The following TAFA5 variants were observed in gnomAD, a reference collection of about 807,000 sequenced individuals.
TAFA5 encodes TAFA chemokine like family member 5.
In TAFA5, 6 loss-of-function variants were observed where a neutral mutation model predicts 15.3. The observed-to-expected ratio is 0.39, with a 90% CI of 0.21 to 0.77. TAFA5 has a LOEUF of 0.77. TAFA5 is among the 30% of genes least tolerant of loss of function. TAFA5 has a pLI of 0.41. For missense variants in TAFA5, 161 were observed against 193.1 expected (o/e 0.83, Z 0.98); for synonymous variants, 103 against 80.7 (o/e 1.28, Z -1.48).
At chr22:48,694,541 G>A (rs1339996154) in intron 2 of TAFA5, among the ~76,000 whole-genome samples, 2 of 152,010 alleles carry the variant, frequency 1.3e-5, no homozygotes, top group Non-Finnish European at 2.9e-5. Context: ...CTTTTCCTGA[G>A]CCCTGAGCCC....
chr22:48,653,086 G>A (rs761791), intron 2 of TAFA5, among the ~76,000 whole-genome samples: 113,199 of 152,186 alleles, frequency 0.74, 42,457 homozygotes, highest in South Asian at 0.9. Context: ...ATACATCTCC[G>A]CGCAGACTGC....
At chr22:48,656,767 T>A (rs1447654101) in intron 2 of TAFA5, among the ~76,000 whole-genome samples, 668 of 23,362 alleles carry the variant, frequency 0.029, 14 homozygotes, top group South Asian at 0.095. Flanking sequence ...TTTTTTTTTT[T>A]TTTTTTTTTT....
At chr22:48,559,174 G>C (rs570472040) in intron 1 of TAFA5, among the ~76,000 whole-genome samples, 1 of 152,324 alleles carries the variant, frequency 6.6e-6, no homozygotes, top group Admixed American at 6.5e-5. Flanking sequence ...GGCCGCCCGG[G>C]GCCATGGTGT....
intron 2 of TAFA5, among the ~76,000 whole-genome samples, chr22:48,683,372 C>T (rs1054620259): frequency 1.3e-5 from 2 of 152,376 alleles, no homozygotes; most frequent in Middle Eastern, 3.4e-3. Flanking sequence ...ACGGCACTTG[C>T]TGGGCACTGT....
Position 48,560,153 on chromosome 22 carries a change from G to A in TAFA5, c.112+70449G>A, listed in dbSNP as rs1043905580. On this transcript the variant is annotated intron_variant, in intron 1 of 3. Transcript: ENST00000402357. The surrounding 1 kb of genome is among the most constrained non-coding windows in gnomAD (Gnocchi z 4.2). ...GGAAAGCCGAGTCCTTGTAGGGGAG[G>A]AGCGTCACTGCTCTCAGCAGGGGAC... is the stretch of plus-strand genomic sequence containing the variant. Among the ~76,000 whole-genome samples, 8 of 152,236 alleles carry A rather than the reference G, an allele frequency of 5.3e-5. No individual in the cohort carries two copies. The highest frequency in any genetic ancestry group is 1.0e-4 in the Non-Finnish European group (7 of 68,042).
intron 2 of TAFA5, among the ~76,000 whole-genome samples, chr22:48,681,662 AAAAAG>A (rs1482750419): frequency 6.6e-6 from 1 of 151,252 alleles, no homozygotes; most frequent in Non-Finnish European, 1.5e-5. Flanking sequence ...AAAAAAAAAA[AAAAAG>A]AAAAGAAAAA....
At chr22:48,656,498 C>A (rs1163319145) in intron 2 of TAFA5, among the ~76,000 whole-genome samples, 1 of 150,658 alleles carries the variant, frequency 6.6e-6, no homozygotes. Flanking sequence ...GAGCGAGACT[C>A]CATCTCAAAA....
chr22:48,729,145 C>T (rs922017400), intron 3 of TAFA5, among the ~76,000 whole-genome samples: 16 of 151,226 alleles, frequency 1.1e-4, no homozygotes, highest in Middle Eastern at 7.1e-3. Context: ...TTAATAGGCA[C>T]GCTGCTTAAA....
chr22:48,515,335 C>G (rs938948874), intron 1 of TAFA5, among the ~76,000 whole-genome samples: 9 of 152,258 alleles, frequency 5.9e-5, no homozygotes, highest in Non-Finnish European at 1.2e-4. Flanking sequence ...GCAGCGTCCT[C>G]TCAGCAGTGG....
In TAFA5 at chr22:48,595,421, G is replaced by A. The variant is rs528066204; in HGVS notation, c.113-51176G>A. Among the ~76,000 whole-genome samples the A allele has an allele frequency of 7.2e-4, 110 of 152,370 alleles. No homozygotes were observed. In the Middle Eastern group the frequency reaches 0.014, roughly 19 times the overall value. ...GGCAGCTGACAGAGCAGGGGCTGGC[G>A]TTATCCTGTGGAAGAGGTCGGGGAA... is the stretch of plus-strand genomic sequence containing the variant. On this transcript the variant is annotated intron_variant, in intron 1 of 3. Coordinates refer to ENST00000402357, the MANE Select transcript of TAFA5 (RefSeq NM_001082967.3).
chr22:48,538,659 C>G (rs1414577965), intron 1 of TAFA5, among the ~76,000 whole-genome samples: 1 of 152,200 alleles, frequency 6.6e-6, no homozygotes, highest in Non-Finnish European at 1.5e-5. Context: ...TTCCACGCGT[C>G]TCTGTGCATT....
chr22:48,513,927 G>A (rs552224461), intron 1 of TAFA5, among the ~76,000 whole-genome samples: 1 of 152,268 alleles, frequency 6.6e-6, no homozygotes, highest in Admixed American at 6.5e-5. Context: ...TACCCAGCAG[G>A]GCAGGAGGAA....
chr22:48,736,051 C>G (rs1430250653), intron 3 of TAFA5, among the ~76,000 whole-genome samples: 11 of 82,848 alleles, frequency 1.3e-4, no homozygotes, highest in Admixed American at 2.4e-4. Context: ...GTCCCTCCCC[C>G]CAGGAGGAAT....
At chr22:48,696,544 T>A (rs957123613) in intron 2 of TAFA5, among the ~76,000 whole-genome samples, 1 of 151,822 alleles carries the variant, frequency 6.6e-6, no homozygotes, top group Non-Finnish European at 1.5e-5. Flanking sequence ...GGTCCCGGAG[T>A]GAATGGGTGG....
chr22:48,669,342 C>G (rs1206671800), intron 2 of TAFA5, among the ~76,000 whole-genome samples: 1 of 152,230 alleles, frequency 6.6e-6, no homozygotes, highest in Non-Finnish European at 1.5e-5. Flanking sequence ...CAGGGAAACC[C>G]AGAAACCTAT....
At chr22:48,628,981 A>T (rs1926118441) in intron 1 of TAFA5, among the ~76,000 whole-genome samples, 1 of 152,036 alleles carries the variant, frequency 6.6e-6, no homozygotes, top group African/African-American at 2.4e-5. Flanking sequence ...CTTAGACCTG[A>T]GTAAAGAGGA....
chr22:48,696,540 G>A (rs770848016), intron 2 of TAFA5, among the ~76,000 whole-genome samples: 8 of 152,172 alleles, frequency 5.3e-5, no homozygotes, highest in Non-Finnish European at 1.0e-4. Flanking sequence ...GGGGGGTCCC[G>A]GAGTGAATGG....
rs1924006068 is a variant in TAFA5, at chr22:48,580,730, C to A, written c.113-65867C>A. On this transcript the variant is annotated intron_variant, in intron 1 of 3. Transcript: ENST00000402357. ...GCTTACGGCCAGCTGTGCCTGCACCCCTGCACCCAGTCTTGGCATGGGGCT... is the reference window on the plus strand; with the variant it reads ...GCTTACGGCCAGCTGTGCCTGCACCACTGCACCCAGTCTTGGCATGGGGCT... Among the ~76,000 whole-genome samples, 4 of 152,298 alleles carry A rather than the reference C, an allele frequency of 2.6e-5. No homozygotes were observed. The South Asian group carries it at 8.3e-4, about 32-fold the overall frequency.
chr22:48,733,181 A>T (rs1029287655), intron 3 of TAFA5, among the ~76,000 whole-genome samples: 4 of 152,312 alleles, frequency 2.6e-5, no homozygotes, highest in East Asian at 1.9e-4. Context: ...TGAATATTTT[A>T]AAAAGTCTTC....
Sources: allele counts gnomAD v4.1 joint callset (sites outside exome capture counted in the v4.1 genomes callset), GRCh38; gene constraint gnomAD v4.1.1; non-coding constraint Gnocchi (gnomAD v3.1); transcripts MANE v1.5; gene names NCBI Gene and HGNC (gene_info 2026-07-23, HGNC 2026-07-21).